The following SLC47A2 variants were observed in gnomAD, a reference collection of about 807,000 sequenced individuals.
SLC47A2 encodes solute carrier family 47 member 2.
Under a neutral mutation model 67.7 loss-of-function variants are expected in SLC47A2, and 52 were observed. The ratio of observed to expected loss-of-function variants is 0.77; its 90% CI spans 0.61 to 0.97. The LOEUF is 0.97. SLC47A2 is among the 50% of genes least tolerant of loss of function. The pLI is 0.00. For missense variants in SLC47A2, 676 were observed against 712.3 expected (o/e 0.95, Z 0.58); for synonymous variants, 278 against 292.9 (o/e 0.95, Z 0.52).
intron 5 of SLC47A2, among the ~76,000 whole-genome samples, chr17:19,709,790 A>C (rs922295760): frequency 6.6e-6 from 1 of 152,116 alleles, no homozygotes; most frequent in African/African-American, 2.4e-5. Context: ...TGGCTTGACA[A>C]AGAAGACACC....
chr17:19,712,134 C>G (rs999391883), intron 5 of SLC47A2, among the ~76,000 whole-genome samples: 3 of 152,164 alleles, frequency 2.0e-5, no homozygotes, highest in African/African-American at 7.2e-5. Flanking sequence ...CATCTGTAAT[C>G]TCAGCACTTT....
At chr17:19,702,154 C>G (rs953011001) in intron 13 of SLC47A2, 2 of 984,902 alleles carry the variant, frequency 2.0e-6, no homozygotes, top group African/African-American at 1.7e-5. Context: ...TTAAATGACA[C>G]CTGTCCTTTA....
intron 15 of SLC47A2, among the ~76,000 whole-genome samples, 190 bp downstream of exon 15, chr17:19,681,177 C>G (rs2085304644): frequency 6.6e-6 from 1 of 152,056 alleles, no homozygotes; most frequent in Non-Finnish European, 1.5e-5. Context: ...CGCGCCACTG[C>G]ACTCCAGCCT....
At chr17:19,703,308 T>C (rs983738294) in intron 11 of SLC47A2, 141 bp from the exon 12 acceptor site, 1 of 700,676 alleles carries the variant, frequency 1.4e-6, no homozygotes, top group Admixed American at 2.3e-5. Context: ...CAGGCCTTCA[T>C]GTCCCCCGCA....
chr17:19,697,998 T>C (rs1241875382), intron 13 of SLC47A2, among the ~76,000 whole-genome samples: 1 of 152,042 alleles, frequency 6.6e-6, no homozygotes, highest in East Asian at 1.9e-4. Context: ...ATTAGAGAAA[T>C]GCACACTGAG....
rs60425436 is a variant in SLC47A2 at position 19,679,864 on chromosome 17, A to G, written c.1480+88T>C. Reference sequence around the variant, plus strand: ...ATAGCTTGGGCTTGTACAATTTCCAATTGCATGAGGCACAGAGGGCAGACA... The same window carrying G: ...ATAGCTTGGGCTTGTACAATTTCCAGTTGCATGAGGCACAGAGGGCAGACA... On this transcript the variant is annotated intron_variant, in intron 16 of 16. Coordinates refer to ENST00000433844, the MANE Select transcript of SLC47A2 (RefSeq NM_001099646.3). The G allele has an allele frequency of 2.9e-3, 3,762 of 1,315,464 alleles. 92 individuals are homozygous for G. The African/African-American group carries it at 0.05, about 18-fold the overall frequency. The allele number at this position is 1,315,464 out of a possible 1,614,324, so 81.5% of individuals were successfully genotyped here.
intron 8 of SLC47A2, among the ~76,000 whole-genome samples, chr17:19,707,347 G>A (rs1348334353): frequency 2.6e-5 from 4 of 152,196 alleles, no homozygotes; most frequent in East Asian, 1.9e-4. Context: ...CTTAACCTCC[G>A]TCTGTCATAA....
intron 13 of SLC47A2, among the ~76,000 whole-genome samples, chr17:19,684,535 T>A (rs200991440): frequency 6.6e-6 from 1 of 151,926 alleles, no homozygotes; most frequent in African/African-American, 2.4e-5. Flanking sequence ...GAACAAACTA[T>A]ACCTAAATGA....
rs2085396268 is a variant in SLC47A2 at position 19,685,048 on chromosome 17, G to A, written c.1165-3378C>T. On this transcript the variant is annotated intron_variant, in intron 13 of 16. Coordinates refer to ENST00000433844, the MANE Select transcript of SLC47A2 (RefSeq NM_001099646.3). The surrounding 1 kb of genome is among the most constrained non-coding windows in gnomAD (Gnocchi z 4.5). ...TTTGGTGGAGATGGGGTTTCGCCGT[G>A]TTGACCGGGCTGGCCTCCAGCTCCT... 6.6e-6 allele frequency among the ~76,000 whole-genome samples: 1 copy of A among 152,182 alleles called. No individual in the cohort carries two copies. The highest frequency in any genetic ancestry group is 1.5e-5 in the Non-Finnish European group (1 of 68,032).
At chr17:19,709,970 C>T (rs1193482607) in intron 5 of SLC47A2, among the ~76,000 whole-genome samples, 2 of 152,070 alleles carry the variant, frequency 1.3e-5, no homozygotes, top group Non-Finnish European at 2.9e-5. Flanking sequence ...AATCTGTAAC[C>T]AGCTAGGCCC....
intron 16 of SLC47A2, 31 bp from the exon 17 acceptor site, chr17:19,678,937 G>T: frequency 2.6e-6 from 4 of 1,543,934 alleles, no homozygotes; most frequent in Non-Finnish European, 3.5e-6. Flanking sequence ...AAACTCAGCA[G>T]GTCAGGGGTC....
chr17:19,704,869 A>G (rs1224306186), intron 10 of SLC47A2: 14 of 475,272 alleles, frequency 2.9e-5, no homozygotes, highest in Non-Finnish European at 4.6e-5. Context: ...TCTGTTGCCT[A>G]GGCTTGAGTG....
rs1275984614 is a variant in SLC47A2, at chr17:19,703,093, C to T, written c.1093G>A (p.Glu365Lys). The change falls in exon 12 of 17, where the codon GAA becomes AAA. Residue 365 changes from glutamate (E) to lysine (K), a missense_variant and splice_region_variant. Coordinates refer to ENST00000433844, the MANE Select transcript of SLC47A2 (RefSeq NM_001099646.3). The stretch of plus-strand genomic sequence containing the variant: ...CAGCACAGAAAACTGATTACCTACT[C>T]ATCATTGGTAAAAATATGCCCCAGC... ...NQLGHIFTNDEDVIALVSQVL... is the reference protein window; with the variant it reads ...NQLGHIFTNDKDVIALVSQVL... 1.2e-6 allele frequency: 2 copies of T among 1,614,040 alleles called. No individual in the cohort carries two copies. The highest frequency in any genetic ancestry group is 2.2e-5 in the East Asian group (1 of 44,886).
At chr17:19,706,813 T>C in intron 8 of SLC47A2, 52 bp from the exon 9 acceptor site, 1 of 1,422,062 alleles carries the variant, frequency 7.0e-7, no homozygotes. Flanking sequence ...GCCCACCTCA[T>C]TCCTGCTCCC....
At chr17:19,712,942 A>G (rs2086141982) in intron 4 of SLC47A2, among the ~76,000 whole-genome samples, 197 bp from the exon 5 acceptor site, 1 of 152,078 alleles carries the variant, frequency 6.6e-6, no homozygotes. Context: ...ACACCCAAAC[A>G]CCCAGGCCTC....
chr17:19,701,234 C>T (rs887064230), intron 13 of SLC47A2, among the ~76,000 whole-genome samples: 3 of 151,208 alleles, frequency 2.0e-5, no homozygotes, highest in Non-Finnish European at 4.4e-5. Flanking sequence ...AAAGTAGTTT[C>T]ATTTAATGTT....
At chr17:19,693,611 A>AAT (rs2085591467) in intron 13 of SLC47A2, among the ~76,000 whole-genome samples, 1 of 146,310 alleles carries the variant, frequency 6.8e-6, no homozygotes, top group East Asian at 2.0e-4. Context: ...TCTCTACTAA[A>AAT]AATAATAATA....
chr17:19,698,909 T>G (rs1275181098), intron 13 of SLC47A2, among the ~76,000 whole-genome samples: 6 of 152,196 alleles, frequency 3.9e-5, no homozygotes, highest in African/African-American at 1.4e-4. Flanking sequence ...TACATTGTAC[T>G]AGGAATTATA....
upstream of SLC47A2, chr17:19,716,705 G>A (rs1214897973): frequency 1.7e-6 from 2 of 1,205,484 alleles, no homozygotes; most frequent in Non-Finnish European, 2.2e-6. Context: ...GCAACTTGTG[G>A]GATGAGCCCT....
Sources: gnomAD v4.1 joint callset for allele counts (sites outside exome capture counted in the v4.1 genomes callset) on GRCh38, gnomAD v4.1.1 for gene constraint, Gnocchi (gnomAD v3.1) non-coding constraint, MANE v1.5 for transcripts, NCBI Gene and HGNC (gene_info 2026-07-23, HGNC 2026-07-21) for gene names.